Variants in SCN9A observed in about 807,000 individuals in gnomAD.
The protein encoded by SCN9A is sodium channel protein type 9 subunit alpha.
Under a neutral mutation model 187.0 loss-of-function variants are expected in SCN9A, and 131 were observed. The observed-to-expected ratio is 0.70, with a 90% CI of 0.61 to 0.81. SCN9A has a LOEUF of 0.81. Ranked by LOEUF, SCN9A falls within the 30% of genes least tolerant of loss-of-function variation. The pLI is 0.00. For missense variants in SCN9A, 2,252 were observed against 2,396.6 expected (o/e 0.94, Z 1.26); for synonymous variants, 809 against 808.6 (o/e 1.00, Z -0.01).
At chr2:166,216,999 C>T in intron 24 of SCN9A, among the ~76,000 whole-genome samples, 1 of 151,870 alleles carries the variant, frequency 6.6e-6, no homozygotes, top group Non-Finnish European at 1.5e-5. Context: ...ATGCTATTGG[C>T]ATAAACACAG....
At chr2:166,208,337 A>G (rs1236823392) in intron 24 of SCN9A, among the ~76,000 whole-genome samples, 3 of 152,196 alleles carry the variant, frequency 2.0e-5, no homozygotes, top group Non-Finnish European at 2.9e-5. Flanking sequence ...AAGAGTAGTC[A>G]CTGCATTTGT....
chr2:166,225,857 T>C (rs747927233), intron 24 of SCN9A, among the ~76,000 whole-genome samples: 36 of 152,104 alleles, frequency 2.4e-4, no homozygotes, highest in Admixed American at 5.2e-4. Context: ...TACCAGAAGC[T>C]GGAAGAGGCA....
Position 166,199,120 on chromosome 2 carries a change from T to C in SCN9A, c.5519A>G (p.Asp1840Gly). The C allele has an allele frequency of 6.2e-7, 1 of 1,614,144 alleles. No individual in the cohort carries two copies. The highest frequency in any genetic ancestry group is 8.5e-7 in the Non-Finnish European group (1 of 1,180,032). The change falls in exon 27 of 27, where the codon GAC becomes GGC. Residue 1840 changes from aspartate (D) to glycine (G), a missense_variant. By Grantham distance (94) the Asp-to-Gly change is moderately conservative (BLOSUM62 -1). Around this residue, in one of 7 missense-constraint regions of SCN9A, gnomAD observed 345 missense variants for 344.6 expected, o/e 1.00. Coordinates refer to ENST00000642356, the MANE Select transcript of SCN9A (RefSeq NM_001365536.1). ...ACGCTTTGTAAAAGCAAATAAGATG[T>C]CAAGACAATGGATCCGGTCACCACT... ...MVSGDRIHCL[D>G]ILFAFTKRVL...
chr2:166,258,162 C>T (rs1239158823), intron 17 of SCN9A, among the ~76,000 whole-genome samples: 1 of 151,390 alleles, frequency 6.6e-6, no homozygotes, highest in East Asian at 1.9e-4. Flanking sequence ...TTCCTGCCCC[C>T]ATCCTAGAAC....
chr2:166,325,215 T>C (rs912110120), intron 1 of SCN9A, among the ~76,000 whole-genome samples: 2 of 152,130 alleles, frequency 1.3e-5, no homozygotes, highest in African/African-American at 2.4e-5. Context: ...GGTAAATGCA[T>C]TGCCATTATC....
rs186466472 is a variant in SCN9A at position 166,339,900 on chromosome 2, A to G, written c.-50-28094T>C. On this transcript the variant is annotated intron_variant, in intron 1 of 26. Transcript: ENST00000642356. ...ATCTAGAGAGGTAGCATATTGTAGGAAATTATAAGTCCAAATGTTGGCTTT... is the reference window on the plus strand; with the variant it reads ...ATCTAGAGAGGTAGCATATTGTAGGGAATTATAAGTCCAAATGTTGGCTTT... 9.9e-4 allele frequency among the ~76,000 whole-genome samples: 151 copies of G among 152,268 alleles called. 1 individual carries two copies. The highest frequency in any genetic ancestry group is 3.1e-3 in the African/African-American group (128 of 41,546).
chr2:166,264,607 G>C (rs976239269), intron 17 of SCN9A, among the ~76,000 whole-genome samples: 1 of 151,876 alleles, frequency 6.6e-6, no homozygotes, highest in African/African-American at 2.4e-5. Context: ...AAAATATTTT[G>C]ATTTGATTCT....
At chr2:166,237,505 A>C (rs1695370177) in intron 20 of SCN9A, among the ~76,000 whole-genome samples, 1 of 152,128 alleles carries the variant, frequency 6.6e-6, no homozygotes, top group Non-Finnish European at 1.5e-5. Flanking sequence ...CGCATATTTG[A>C]GATAGAGACA....
chr2:166,274,258 C>T (rs1697130619), intron 16 of SCN9A, among the ~76,000 whole-genome samples: 1 of 152,070 alleles, frequency 6.6e-6, no homozygotes, highest in Non-Finnish European at 1.5e-5. Flanking sequence ...TTTCTATAAC[C>T]TAGTGGGTAT....
intron 1 of SCN9A, among the ~76,000 whole-genome samples, chr2:166,314,616 G>T (rs1269068087): frequency 6.6e-6 from 1 of 152,144 alleles, no homozygotes; most frequent in East Asian, 1.9e-4. Context: ...CACTGAATTA[G>T]TATTTAGCAA....
At chr2:166,268,198 T>C (rs1397591695) in intron 17 of SCN9A, among the ~76,000 whole-genome samples, 1 of 151,968 alleles carries the variant, frequency 6.6e-6, no homozygotes, top group African/African-American at 2.4e-5. Context: ...ATAAATAAAC[T>C]GAAAAAAATG....
chr2:166,236,274 C>G (rs143494892), intron 20 of SCN9A, among the ~76,000 whole-genome samples: 1 of 151,374 alleles, frequency 6.6e-6, no homozygotes, highest in Admixed American at 6.6e-5. Flanking sequence ...TTACTATATC[C>G]GAAGTTAGAA....
At chr2:166,221,224 C>T (rs1162026764) in intron 24 of SCN9A, among the ~76,000 whole-genome samples, 1 of 151,926 alleles carries the variant, frequency 6.6e-6, no homozygotes, top group Non-Finnish European at 1.5e-5. Context: ...GTTAAAATGC[C>T]CATACTACCC....
rs146201982 is a variant in SCN9A, at chr2:166,238,324, T to TA, written c.3628-58dup. 0.015 allele frequency: 17,491 copies of TA among 1,144,124 alleles called. 1,412 individuals are homozygous for TA. The Admixed American group carries it at 0.23, about 15-fold the overall frequency. The allele number at this position is 1,144,124 out of a possible 1,614,324, so 70.9% of individuals were successfully genotyped here. A position where few individuals can be genotyped will look rare whatever the true frequency, so the allele number is the denominator to read the frequency against. On this transcript the variant is annotated intron_variant, in intron 19 of 26. Coordinates refer to ENST00000642356, the MANE Select transcript of SCN9A (RefSeq NM_001365536.1). ...CACAACTTAAGCTTCATGATTCATT[T>TA]AAAAAAAACAGGAAAAATACAATTC...
chr2:166,212,961 C>T (rs1694161765), intron 24 of SCN9A, among the ~76,000 whole-genome samples: 1 of 151,768 alleles, frequency 6.6e-6, no homozygotes, highest in Non-Finnish European at 1.5e-5. Context: ...GCACAATTTC[C>T]AAAATTTATG....
At chr2:166,283,721 A>T (rs1697597425) in intron 12 of SCN9A, among the ~76,000 whole-genome samples, 2 of 152,202 alleles carry the variant, frequency 1.3e-5, no homozygotes, top group African/African-American at 4.8e-5. Flanking sequence ...AAATGAAAAC[A>T]GTTATGTTTC....
chr2:166,290,690 T>G (rs536457948), intron 9 of SCN9A, among the ~76,000 whole-genome samples: 1 of 152,160 alleles, frequency 6.6e-6, no homozygotes, highest in Non-Finnish European at 1.5e-5. Flanking sequence ...TTTTTCATGT[T>G]TTTTGGCCGC....
At chr2:166,308,702 CACA>C (rs1212461084) in intron 2 of SCN9A, among the ~76,000 whole-genome samples, 1 of 152,020 alleles carries the variant, frequency 6.6e-6, no homozygotes, top group Non-Finnish European at 1.5e-5. Flanking sequence ...GTGGGCAGAA[CACA>C]ACGTCAGGAG....
At chr2:166,340,578 CTTT>C (rs1699753029) in intron 1 of SCN9A, among the ~76,000 whole-genome samples, 4 of 69,962 alleles carry the variant, frequency 5.7e-5, no homozygotes, top group African/African-American at 3.2e-4. Flanking sequence ...TTCTTTCTTT[CTTT>C]CTTTCTTTCT....
Sources: allele counts gnomAD v4.1 joint callset (sites outside exome capture counted in the v4.1 genomes callset), GRCh38; gene constraint gnomAD v4.1.1; regional missense constraint gnomAD v4.1.1; transcripts MANE v1.5; gene names NCBI Gene and HGNC (gene_info 2026-07-23, HGNC 2026-07-21).